Variants in NPRL3 observed in about 807,000 individuals in gnomAD.
NPRL3 encodes the protein GATOR1 complex protein NPRL3.
In NPRL3, 23 loss-of-function variants were observed where a neutral mutation model predicts 57.2. The observed-to-expected ratio is 0.40, with a 90% confidence interval of 0.29 to 0.57. The LOEUF is 0.57. Ranked by LOEUF, NPRL3 falls within the 20% of genes least tolerant of loss-of-function variation. NPRL3 has a pLI of 0.42. For missense variants in NPRL3, 691 were observed against 767.1 expected, an observed-to-expected ratio of 0.90 and a Z score of 1.17; for synonymous variants, 333 against 321.1, an observed-to-expected ratio of 1.04 and a Z score of -0.39.
rs1214547093 is a variant in NPRL3 at position 99,916 on chromosome 16, AG to A, written c.767+455del. 2.0e-5 allele frequency among the ~76,000 whole-genome samples: 3 copies of A among 148,186 alleles called. No individual in the cohort carries two copies. The East Asian group carries it at 5.9e-4, about 29-fold the overall frequency. ...CTACTGAAATCCAGCCTGGGCGATA[AG>A]ATCAAAACTCTGTCTCTCTCTCACA... On this transcript the variant is annotated intron_variant, in intron 8 of 13. Coordinates refer to ENST00000611875, the MANE Select transcript of NPRL3 (RefSeq NM_001077350.3).
chr16:128,477 C>A (rs1900641254), intron 3 of NPRL3, among the ~76,000 whole-genome samples: 1 of 152,096 alleles, frequency 6.6e-6, no homozygotes, highest in Non-Finnish European at 1.5e-5. Context: ...GAACAACAGT[C>A]AAAGACACGG....
chr16:103,809 T>C (rs1899415025), intron 7 of NPRL3, among the ~76,000 whole-genome samples: 1 of 152,058 alleles, frequency 6.6e-6, no homozygotes, highest in African/African-American at 2.4e-5. Context: ...TGAAACCCTG[T>C]CTCTACTAAA....
At chr16:93,066 A>G (rs1395426247) in intron 10 of NPRL3, 153 bp downstream of exon 10, 2 of 649,116 alleles carry the variant, frequency 3.1e-6, no homozygotes, top group Non-Finnish European at 5.5e-6. Flanking sequence ...TGGGTATGCT[A>G]GTGGCCAGGA....
intron 10 of NPRL3, 118 bp from the exon 11 acceptor site, chr16:92,843 A>G (rs776186087): frequency 2.2e-6 from 3 of 1,350,746 alleles, no homozygotes; most frequent in Non-Finnish European, 3.1e-6. Flanking sequence ...CAGTGCGATG[A>G]GGGCAGAACG....
chr16:109,080 C>T (rs1333067346), intron 7 of NPRL3, among the ~76,000 whole-genome samples: 1 of 150,842 alleles, frequency 6.6e-6, no homozygotes, highest in Non-Finnish European at 1.5e-5. Context: ...GTGACCCTCC[C>T]ACCTCAGCCT....
chr16:119,270 G>T lies in NPRL3; in HGVS notation c.189-15C>A. On this transcript the variant is annotated splice_polypyrimidine_tract_variant and intron_variant, in intron 3 of 13. Transcript: ENST00000611875. ...CATCTGAAAACCTTAAAATTTAAGA[G>T]AGGTAGAATAAAAATAAGTTAACAA... 1 of 1,592,920 alleles carries T rather than the reference G, an allele frequency of 6.3e-7. No homozygotes were observed. The highest frequency in any genetic ancestry group is 8.6e-7 in the Non-Finnish European group (1 of 1,169,118).
chr16:86,591 A>G lies in NPRL3; in HGVS notation c.*114T>C, dbSNP rs758249982. ...GGCCACGGCCAGCCCGCATCCACCC[A>G]ATGCCAGGCCTCAGGGCCAAGAGGG... On this transcript the variant is annotated 3_prime_UTR_variant, in exon 14 of 14. Coordinates refer to ENST00000611875, the MANE Select transcript of NPRL3 (RefSeq NM_001077350.3). 20 of 1,110,442 alleles carry G rather than the reference A, an allele frequency of 1.8e-5. No individual in the cohort carries two copies. The highest frequency in any genetic ancestry group is 2.4e-5 in the Non-Finnish European group (19 of 794,176). The allele number at this position is 1,110,442 out of a possible 1,614,324, so 68.8% of individuals were successfully genotyped here. A position where few individuals can be genotyped will look rare whatever the true frequency, so the allele number is the denominator to read the frequency against.
chr16:104,626 C>T (rs959989232), intron 7 of NPRL3, among the ~76,000 whole-genome samples: 1 of 152,240 alleles, frequency 6.6e-6, no homozygotes, highest in Non-Finnish European at 1.5e-5. Flanking sequence ...CTAACTTCCA[C>T]GTGGACTTTA....
In NPRL3 at chr16:100,799, C is replaced by T. The variant is rs374430223; in HGVS notation, c.630-290G>A. On this transcript the variant is annotated intron_variant, in intron 7 of 13. Coordinates refer to ENST00000611875, the MANE Select transcript of NPRL3 (RefSeq NM_001077350.3). ...CCTGGCTAATAACACGGTGAAACCC[C>T]GTCTCTACTAAAAATACAAAAATTA... Among the ~76,000 whole-genome samples the T allele has an allele frequency of 0.01, 1,539 of 147,852 alleles. 23 individuals carry two copies. Among genetic ancestry groups the T allele is most frequent in the African/African-American group, 0.026 (1,028 of 40,148 alleles).
rs1218469488 is a variant in NPRL3 at position 86,329 on chromosome 16, T to TG, written c.*375dup. 11 of 216,198 alleles carry TG rather than the reference T, an allele frequency of 5.1e-5. No individual in the cohort carries two copies. The highest frequency in any genetic ancestry group is 3.0e-4 in the East Asian group (3 of 10,160). 13.4% of individuals were successfully genotyped at this position (216,198 alleles called of 1,614,324 possible). A position where few individuals can be genotyped will look rare whatever the true frequency, so the allele number is the denominator to read the frequency against. Reference sequence around the variant, plus strand: ...CACATTCTTCAGGGTGGCCACAGACTGGGGGGTCCAAGGAGCAGGTGTAGG... The same window carrying TG: ...CACATTCTTCAGGGTGGCCACAGACTGGGGGGGTCCAAGGAGCAGGTGTAGG... On this transcript the variant is annotated 3_prime_UTR_variant, in exon 14 of 14. Transcript: ENST00000611875.
chr16:119,412 T>A, intron 3 of NPRL3, 157 bp from the exon 4 acceptor site: 1 of 683,978 alleles, frequency 1.5e-6, no homozygotes, highest in Non-Finnish European at 2.5e-6. Context: ...TGCCCTTCTG[T>A]AGCAATCCCA....
chr16:130,536 C>T lies in NPRL3; in HGVS notation c.174G>A (p.Gln58=), dbSNP rs565535603. 6.4e-7 allele frequency: 1 copy of T among 1,553,146 alleles called. No homozygotes were observed. Among genetic ancestry groups the T allele is most frequent in the South Asian group, 1.2e-5 (1 of 84,244 alleles). ...AGAGCCTTTACCTGGAATCGCCGTC[C>T]TGCTCATCAGCATGGTCGCCCGTGT... ...ASNTGDHADE[Q]DGDSRFSDVI... The change falls in exon 3 of 14, where the codon CAG becomes CAA. Residue 58 remains glutamine, a synonymous_variant. Transcript: ENST00000611875.
intron 6 of NPRL3, among the ~76,000 whole-genome samples, chr16:111,346 G>A (rs1283586154): frequency 6.6e-6 from 1 of 152,050 alleles, no homozygotes; most frequent in Non-Finnish European, 1.5e-5. Flanking sequence ...CTTGCAGTGA[G>A]CAGAGATCAC....
intron 7 of NPRL3, among the ~76,000 whole-genome samples, chr16:105,633 T>A (rs1899493347): frequency 6.6e-6 from 1 of 152,208 alleles, no homozygotes; most frequent in Non-Finnish European, 1.5e-5. Flanking sequence ...CCACAGGTCC[T>A]GTTAACTCGG....
chr16:98,387 C>A, intron 8 of NPRL3, 86 bp from the exon 9 acceptor site: 1 of 1,439,810 alleles, frequency 6.9e-7, no homozygotes, highest in Non-Finnish European at 9.4e-7. Flanking sequence ...AGGTATGCAC[C>A]GGGTATGCAC....
At chr16:88,176 A>C (rs936612057) in intron 13 of NPRL3, among the ~76,000 whole-genome samples, 1 of 152,180 alleles carries the variant, frequency 6.6e-6, no homozygotes, top group Non-Finnish European at 1.5e-5. Flanking sequence ...CGCAGGGCTT[A>C]CAGTCCTGGG....
chr16:88,387 C>CAAAAAAAAAAA (rs56670370), intron 13 of NPRL3, among the ~76,000 whole-genome samples: 8 of 130,958 alleles, frequency 6.1e-5, no homozygotes, highest in African/African-American at 2.2e-4. Context: ...GACTCCGTCT[C>CAAAAAAAAAAA]AAAAAAAAAA....
chr16:98,759 G>A (rs746870945), intron 8 of NPRL3, among the ~76,000 whole-genome samples: 2 of 152,222 alleles, frequency 1.3e-5, no homozygotes, highest in African/African-American at 2.4e-5. Context: ...CCAACATGGT[G>A]AAACCCCATC....
intron 9 of NPRL3, among the ~76,000 whole-genome samples, chr16:95,325 G>GTGTGTATA (rs761991763): frequency 2.0e-5 from 2 of 102,230 alleles, no homozygotes; most frequent in African/African-American, 7.1e-5. Context: ...GTTTGTGTGT[G>GTGTGTATA]TATATATATA....
Sources: allele counts gnomAD v4.1 joint callset (sites outside exome capture counted in the v4.1 genomes callset), GRCh38; gene constraint gnomAD v4.1.1; transcripts MANE v1.5; gene names NCBI Gene and HGNC (gene_info 2026-07-23, HGNC 2026-07-21).